Variants in KCNH1 observed in about 807,000 individuals in gnomAD.
The protein encoded by KCNH1 is potassium voltage-gated channel subfamily H member 1, also known as voltage-gated delayed rectifier potassium channel KCNH1.
KCNH1 carries 27 observed loss-of-function variants against 69.2 expected under a neutral mutation model. The ratio of observed to expected loss-of-function variants is 0.39; its 90% confidence interval spans 0.29 to 0.54. KCNH1 has a LOEUF of 0.54. Ranked by LOEUF, KCNH1 falls within the 20% of genes least tolerant of loss-of-function variation. KCNH1 has a pLI of 0.68. For synonymous variants in KCNH1, 456 were observed against 487.7 expected, an observed-to-expected ratio of 0.93 and a Z score of 0.86; for missense variants, 798 against 1,261.6, an observed-to-expected ratio of 0.63 and a Z score of 5.57.
intron 1 of KCNH1, among the ~76,000 whole-genome samples, chr1:211,109,073 A>G (rs1691414231): frequency 6.6e-6 from 1 of 152,260 alleles, no homozygotes; most frequent in Non-Finnish European, 1.5e-5. Context: ...TAAAAGGATG[A>G]GTAAGATTTA....
intron 7 of KCNH1, among the ~76,000 whole-genome samples, chr1:210,842,573 A>G (rs530345900): frequency 9.2e-5 from 14 of 152,310 alleles, no homozygotes; most frequent in South Asian, 8.3e-4. Context: ...TAATCATGGC[A>G]TAACATTTAT....
chr1:211,047,790 A>C (rs1186546459), intron 5 of KCNH1, among the ~76,000 whole-genome samples: 1 of 152,186 alleles, frequency 6.6e-6, no homozygotes, highest in Non-Finnish European at 1.5e-5. Context: ...AGTGGGAGAA[A>C]ATATTCTCAA....
At chr1:211,127,831 C>T (rs937988969) in intron 1 of KCNH1, among the ~76,000 whole-genome samples, 3 of 152,186 alleles carry the variant, frequency 2.0e-5, no homozygotes, top group African/African-American at 7.2e-5. Context: ...TAAACATGTG[C>T]ATCCTAGGTA....
At chr1:210,782,820 C>A (rs1219352743) in intron 9 of KCNH1, among the ~76,000 whole-genome samples, 27 of 152,202 alleles carry the variant, frequency 1.8e-4, no homozygotes, top group Non-Finnish European at 1.3e-4. Flanking sequence ...TAAGAAGGCA[C>A]CATCTTTGAA....
chr1:210,888,559 C>T (rs991339109), intron 7 of KCNH1, among the ~76,000 whole-genome samples: 4 of 151,794 alleles, frequency 2.6e-5, no homozygotes, highest in African/African-American at 7.3e-5. Flanking sequence ...AACTAAGATG[C>T]GAGCAGAACT....
intron 7 of KCNH1, among the ~76,000 whole-genome samples, chr1:210,898,865 A>G (rs1686930493): frequency 6.6e-6 from 1 of 152,206 alleles, no homozygotes; most frequent in East Asian, 1.9e-4. Flanking sequence ...GTAAAGACAG[A>G]ACAAATAGAG....
At chr1:210,694,230 A>G (rs1043063311) in intron 10 of KCNH1, among the ~76,000 whole-genome samples, 5 of 152,056 alleles carry the variant, frequency 3.3e-5, no homozygotes, top group South Asian at 2.1e-4. Flanking sequence ...GCCACATAGG[A>G]CATATTTCAT....
chr1:211,075,610 G>A (rs1690718335), intron 5 of KCNH1, among the ~76,000 whole-genome samples: 2 of 152,198 alleles, frequency 1.3e-5, no homozygotes, highest in South Asian at 2.1e-4. Flanking sequence ...ACAGGATTCC[G>A]GATCCAAGAT....
In KCNH1 at chr1:211,035,233, ATTCTTTTTTT is replaced by A. The variant is rs148502371; in HGVS notation, c.559-15987_559-15978del. ...TACATTTAAACCATAGGGTACTGGC[ATTCTTTTTTT>A]TTTTTTTTTTTTTTTTTTTTTTTGA... On this transcript the variant is annotated intron_variant, in intron 5 of 10. Transcript: ENST00000271751. Among the ~76,000 whole-genome samples, 32 of 104,822 alleles carry A rather than the reference ATTCTTTTTTT, an allele frequency of 3.1e-4. No individual in the cohort carries two copies. In the East Asian group the frequency reaches 7.9e-3, roughly 26 times the overall value. 68.8% of individuals were successfully genotyped at this position (104,822 alleles called of 152,430 possible). A position where few individuals can be genotyped will look rare whatever the true frequency, so the allele number is the denominator to read the frequency against.
intron 10 of KCNH1, among the ~76,000 whole-genome samples, chr1:210,686,888 A>G (rs1046819271): frequency 6.6e-6 from 1 of 152,166 alleles, no homozygotes; most frequent in African/African-American, 2.4e-5. Flanking sequence ...AAGAGCAATG[A>G]TTTTCCATTT....
At chr1:210,763,543 A>G (rs767521352) in intron 10 of KCNH1, among the ~76,000 whole-genome samples, 4 of 152,150 alleles carry the variant, frequency 2.6e-5, no homozygotes, top group Non-Finnish European at 5.9e-5. Flanking sequence ...ACATACAAAA[A>G]TCAGTAGCAT....
At chr1:210,860,747 G>T in intron 7 of KCNH1, 1 of 788,648 alleles carries the variant, frequency 1.3e-6, no homozygotes, top group South Asian at 1.4e-5. Flanking sequence ...ACTTTCACAG[G>T]CATGTCTCTG....
chr1:210,833,827 C>A (rs1685221511), intron 7 of KCNH1, among the ~76,000 whole-genome samples: 2 of 152,204 alleles, frequency 1.3e-5, no homozygotes, highest in South Asian at 4.1e-4. Flanking sequence ...TGAACTCACA[C>A]AAATTTACAA....
chr1:211,119,651 T>G (rs1263224381), intron 1 of KCNH1, among the ~76,000 whole-genome samples: 1 of 152,086 alleles, frequency 6.6e-6, no homozygotes, highest in Non-Finnish European at 1.5e-5. Context: ...ACATCTAAAA[T>G]CTTAACATCA....
At chr1:210,994,958 G>C (rs377195546) in intron 6 of KCNH1, among the ~76,000 whole-genome samples, 61 of 152,312 alleles carry the variant, frequency 4.0e-4, no homozygotes, top group African/African-American at 1.4e-3. Context: ...GAGTTGAGAT[G>C]TATAAAGTAT....
intron 6 of KCNH1, among the ~76,000 whole-genome samples, chr1:210,990,641 A>T (rs1688920680): frequency 6.6e-6 from 1 of 152,206 alleles, no homozygotes; most frequent in Non-Finnish European, 1.5e-5. Context: ...TAAGTTACTC[A>T]ACCTTTCTAA....
chr1:210,818,461 T>A (rs888725190), intron 7 of KCNH1, among the ~76,000 whole-genome samples: 2 of 152,186 alleles, frequency 1.3e-5, no homozygotes, highest in Non-Finnish European at 1.5e-5. Context: ...ACGCTGACTA[T>A]CCCGACCCTG....
intron 10 of KCNH1, among the ~76,000 whole-genome samples, chr1:210,758,114 G>C (rs1265179228): frequency 1.3e-5 from 2 of 152,228 alleles, no homozygotes; most frequent in Non-Finnish European, 2.9e-5. Context: ...TCTTGCCCAT[G>C]CTCCTCACCT....
intron 2 of KCNH1, among the ~76,000 whole-genome samples, chr1:211,105,195 T>C (rs960826675): frequency 2.0e-5 from 3 of 152,210 alleles, no homozygotes; most frequent in Admixed American, 6.5e-5. Context: ...AAATTATCTC[T>C]AGAAAGAAGA....
Sources: allele counts gnomAD v4.1 joint callset (sites outside exome capture counted in the v4.1 genomes callset), GRCh38; gene constraint gnomAD v4.1.1; transcripts MANE v1.5; gene names NCBI Gene and HGNC (gene_info 2026-07-23, HGNC 2026-07-21).